The following FUT9 variants were observed in gnomAD, a reference collection of about 807,000 sequenced individuals.
FUT9 encodes the protein 4-galactosyl-N-acetylglucosaminide 3-alpha-L-fucosyltransferase 9.
A neutral mutation model predicts 29.7 loss-of-function variants in FUT9; 15 were observed. The observed-to-expected ratio is 0.51, with a 90% confidence interval of 0.34 to 0.78. The LOEUF (loss-of-function observed/expected upper bound fraction) is 0.78. Ranked by LOEUF, FUT9 falls within the 30% of genes least tolerant of loss-of-function variation. The probability of loss-of-function intolerance (pLI) is 0.01; values close to 1 mark genes in which losing one functional copy is unlikely to be tolerated. For synonymous variants in FUT9, 169 were observed against 153.7 expected (o/e 1.10, Z -0.74); for missense variants, 319 against 425.4 (o/e 0.75, Z 2.20).
intron 1 of FUT9, among the ~76,000 whole-genome samples, chr6:96,091,287 T>C (rs2127953909): frequency 6.6e-6 from 1 of 152,228 alleles, no homozygotes; most frequent in Non-Finnish European, 1.5e-5. Flanking sequence ...AAATACTGAA[T>C]TTGAAATATT....
chr6:96,074,238 C>T (rs1037404849), intron 1 of FUT9, among the ~76,000 whole-genome samples: 3 of 151,998 alleles, frequency 2.0e-5, no homozygotes, highest in East Asian at 3.9e-4. Flanking sequence ...TTAGCACAGC[C>T]GTTTACATAA....
intron 1 of FUT9, among the ~76,000 whole-genome samples, chr6:96,064,761 G>A (rs1403562917): frequency 6.6e-6 from 1 of 151,758 alleles, no homozygotes; most frequent in South Asian, 2.1e-4. Context: ...GCATGCATGT[G>A]CACACACACG....
chr6:96,145,260 G>A (rs543030870), intron 2 of FUT9, among the ~76,000 whole-genome samples: 39 of 152,072 alleles, frequency 2.6e-4, no homozygotes, highest in Non-Finnish European at 3.7e-4. Flanking sequence ...GGGTTTCACC[G>A]TGTTAGCTAG....
intron 1 of FUT9, among the ~76,000 whole-genome samples, chr6:96,105,216 C>G (rs146036250): frequency 3.9e-5 from 6 of 152,150 alleles, no homozygotes; most frequent in African/African-American, 1.4e-4. Flanking sequence ...TGGTAAATTG[C>G]CTTATGTTCT....
At chr6:96,173,118 A>G (rs1311760235) in intron 2 of FUT9, among the ~76,000 whole-genome samples, 2 of 152,114 alleles carry the variant, frequency 1.3e-5, no homozygotes, top group South Asian at 2.1e-4. Context: ...TCCAGTCACA[A>G]TGGCATTTTT....
At chr6:96,069,207 C>T (rs911697410) in intron 1 of FUT9, among the ~76,000 whole-genome samples, 9 of 151,952 alleles carry the variant, frequency 5.9e-5, no homozygotes, top group African/African-American at 2.2e-4. Flanking sequence ...CCCAGCTACT[C>T]GGGAGGCACA....
At chr6:96,021,612 T>C (rs926779376) in intron 1 of FUT9, among the ~76,000 whole-genome samples, 19 of 152,076 alleles carry the variant, frequency 1.2e-4, no homozygotes, top group African/African-American at 4.3e-4. Context: ...TAATTATCTA[T>C]GTTTTATTTA....
chr6:96,160,555 T>C (rs1269195484), intron 2 of FUT9, among the ~76,000 whole-genome samples: 1 of 152,178 alleles, frequency 6.6e-6, no homozygotes, highest in Admixed American at 6.5e-5. Flanking sequence ...CAAGGAATTA[T>C]TTATTAAATT....
At position 96,205,613 on chromosome 6, in the gene FUT9, T is replaced by C. The variant is rs4132773; in HGVS notation, c.*1378T>C. ...CTCCTCCATAAGGCTAGAGGAGAGC[T>C]GGATATAAGCAGAGATCGTAGGTGA... On this transcript the variant is annotated 3_prime_UTR_variant, in exon 3 of 3. Transcript: ENST00000302103. 70,017 of 166,712 alleles carry C rather than the reference T, an allele frequency of 0.42. 15,709 individuals are homozygous for C. The highest frequency in any genetic ancestry group is 0.7 in the South Asian group (3,388 of 4,810). 10.3% of individuals were successfully genotyped at this position (166,712 alleles called of 1,614,324 possible). A position where few individuals can be genotyped will look rare whatever the true frequency, so the allele number is the denominator to read the frequency against.
intron 1 of FUT9, among the ~76,000 whole-genome samples, chr6:96,109,478 T>C (rs142431835): frequency 6.6e-6 from 1 of 152,356 alleles, no homozygotes; most frequent in East Asian, 1.9e-4. Flanking sequence ...TAAAGATCTA[T>C]ATTTTATTAT....
chr6:96,097,150 A>G (rs954566545), intron 1 of FUT9, among the ~76,000 whole-genome samples: 2 of 152,352 alleles, frequency 1.3e-5, no homozygotes, highest in African/African-American at 4.8e-5. Flanking sequence ...GGAATATGTA[A>G]TTCATAGAAG....
chr6:96,117,256 T>C (rs1449225840), intron 2 of FUT9, among the ~76,000 whole-genome samples: 1 of 152,116 alleles, frequency 6.6e-6, no homozygotes, highest in Non-Finnish European at 1.5e-5. Context: ...AGTAAATAAA[T>C]TATAGATATT....
intron 1 of FUT9, among the ~76,000 whole-genome samples, chr6:96,100,318 C>T (rs1238795387): frequency 2.0e-5 from 3 of 151,448 alleles, no homozygotes; most frequent in Non-Finnish European, 4.4e-5. Context: ...AAAGTTACAA[C>T]ATAAATAAAA....
At chr6:96,182,953 A>AT (rs544228248) in intron 2 of FUT9, among the ~76,000 whole-genome samples, 4 of 151,374 alleles carry the variant, frequency 2.6e-5, no homozygotes, top group Non-Finnish European at 4.4e-5. Context: ...GAATTTTAGG[A>AT]TTTTTTTTCT....
At chr6:96,055,361 T>G (rs1278226849) in intron 1 of FUT9, among the ~76,000 whole-genome samples, 2 of 149,084 alleles carry the variant, frequency 1.3e-5, no homozygotes, top group African/African-American at 4.9e-5. Flanking sequence ...AATTTAAATC[T>G]CGAGTTAATG....
At chr6:96,100,230 AACACACACACACACACAC>A (rs36064811) in intron 1 of FUT9, among the ~76,000 whole-genome samples, 74,207 of 148,674 alleles carry the variant, frequency 0.5, 18,584 homozygotes, top group East Asian at 0.65. Context: ...CACACACACC[AACACACACACACACACAC>A]ACACACACAC....
At chr6:96,150,997 C>T (rs1772665235) in intron 2 of FUT9, among the ~76,000 whole-genome samples, 2 of 152,176 alleles carry the variant, frequency 1.3e-5, no homozygotes, top group Middle Eastern at 3.4e-3. Context: ...TCTTTATCAA[C>T]GTGGCTACGG....
intron 2 of FUT9, among the ~76,000 whole-genome samples, chr6:96,115,865 T>A (rs920358355): frequency 1.3e-5 from 2 of 152,200 alleles, no homozygotes; most frequent in African/African-American, 4.8e-5. Flanking sequence ...CATGTTGGAA[T>A]TTGGGGGCTT....
At chr6:96,045,364 A>G (rs1770544454) in intron 1 of FUT9, among the ~76,000 whole-genome samples, 1 of 152,234 alleles carries the variant, frequency 6.6e-6, no homozygotes, top group Non-Finnish European at 1.5e-5. Flanking sequence ...AGTGCCAGAC[A>G]AAATTTGGCC....
Sources: allele counts gnomAD v4.1 joint callset (sites outside exome capture counted in the v4.1 genomes callset), GRCh38; gene constraint gnomAD v4.1.1; transcripts MANE v1.5; gene names NCBI Gene and HGNC (gene_info 2026-07-23, HGNC 2026-07-21).